The following TAFA1 variants were observed in gnomAD, a reference collection of about 807,000 sequenced individuals.
TAFA1 encodes TAFA chemokine like family member 1.
In TAFA1, 4 loss-of-function variants were observed where a neutral mutation model predicts 18.5. That is an observed-to-expected ratio of 0.22 (90% CI 0.11 to 0.49). The LOEUF (loss-of-function observed/expected upper bound fraction) is 0.49, where lower values mean the gene tolerates loss of function less well. Among genes scored for constraint, TAFA1 ranks in the 20% least tolerant of loss-of-function variants. TAFA1 has a pLI of 0.98. For synonymous variants in TAFA1, 56 were observed against 55.2 expected (o/e 1.01, Z -0.06); for missense variants, 147 against 169.0 (o/e 0.87, Z 0.72).
rs1461545146 is a variant in TAFA1 at position 68,147,289 on chromosome 3, C to T, written c.118+140545C>T. 2.6e-5 allele frequency among the ~76,000 whole-genome samples: 4 copies of T among 151,968 alleles called. No individual in the cohort carries two copies. In the East Asian group the frequency reaches 7.7e-4, roughly 29 times the overall value. On this transcript the variant is annotated intron_variant, in intron 2 of 4. Transcript: ENST00000478136. ...GGGCCAGGTATCAGGCAACTAGGGA[C>T]CACTCTTATAGTTTAGAGCCAGCCA... is the stretch of plus-strand genomic sequence containing the variant.
intron 2 of TAFA1, among the ~76,000 whole-genome samples, chr3:68,324,331 T>C (rs1330890882): frequency 2.6e-5 from 4 of 152,328 alleles, no homozygotes; most frequent in African/African-American, 4.8e-5. Flanking sequence ...TAGATGCTAA[T>C]TTTAAATGTT....
intron 2 of TAFA1, among the ~76,000 whole-genome samples, chr3:68,056,699 A>G (rs1353858899): frequency 6.6e-6 from 1 of 152,186 alleles, no homozygotes; most frequent in Non-Finnish European, 1.5e-5. Context: ...GGAGATTTAC[A>G]TGCCAATTTC....
intron 2 of TAFA1, among the ~76,000 whole-genome samples, chr3:68,214,770 T>A (rs1004325682): frequency 6.6e-6 from 1 of 152,094 alleles, no homozygotes; most frequent in Non-Finnish European, 1.5e-5. Flanking sequence ...TCAAACTACC[T>A]CCTCTTACAT....
At chr3:68,485,603 T>C (rs2072320444) in intron 3 of TAFA1, among the ~76,000 whole-genome samples, 1 of 152,184 alleles carries the variant, frequency 6.6e-6, no homozygotes, top group Non-Finnish European at 1.5e-5. Context: ...TGTAAGCAAA[T>C]TGTAGTTACT....
At chr3:68,269,285 C>T (rs2067614023) in intron 2 of TAFA1, among the ~76,000 whole-genome samples, 1 of 150,836 alleles carries the variant, frequency 6.6e-6, no homozygotes, top group Non-Finnish European at 1.5e-5. Flanking sequence ...GAGACCCTAT[C>T]TTTACAATTT....
intron 2 of TAFA1, among the ~76,000 whole-genome samples, chr3:68,024,867 T>C (rs1344435998): frequency 6.6e-6 from 1 of 150,550 alleles, no homozygotes; most frequent in Non-Finnish European, 1.5e-5. Context: ...ACAATCATAT[T>C]TCGGAAATAA....
intron 2 of TAFA1, among the ~76,000 whole-genome samples, chr3:68,034,212 A>G (rs1704997704): frequency 6.6e-6 from 1 of 152,204 alleles, no homozygotes; most frequent in African/African-American, 2.4e-5. Context: ...GCATGAAAGG[A>G]GACTGAGAGT....
chr3:68,303,994 T>C (rs2068360141), intron 2 of TAFA1, among the ~76,000 whole-genome samples: 1 of 152,186 alleles, frequency 6.6e-6, no homozygotes, highest in Non-Finnish European at 1.5e-5. Flanking sequence ...AAAGTAGACA[T>C]TACATTAGTG....
intron 2 of TAFA1, among the ~76,000 whole-genome samples, chr3:68,392,577 C>G (rs143662345): frequency 6.6e-6 from 1 of 152,108 alleles, no homozygotes; most frequent in Non-Finnish European, 1.5e-5. Context: ...AGCACCGTAT[C>G]GCACTTATTC....
chr3:68,411,759 T>C (rs2070723117), intron 2 of TAFA1, among the ~76,000 whole-genome samples: 1 of 152,220 alleles, frequency 6.6e-6, no homozygotes, highest in South Asian at 2.1e-4. Context: ...AGCAAAGTTA[T>C]GTAAGTGTGA....
intron 2 of TAFA1, among the ~76,000 whole-genome samples, chr3:68,170,957 C>T (rs1311346713): frequency 6.6e-6 from 1 of 151,960 alleles, no homozygotes; most frequent in Non-Finnish European, 1.5e-5. Context: ...CAGCAACAGC[C>T]AAAACAAGAA....
chr3:68,353,372 G>A (rs1486507328), intron 2 of TAFA1, among the ~76,000 whole-genome samples: 1 of 152,080 alleles, frequency 6.6e-6, no homozygotes, highest in Non-Finnish European at 1.5e-5. Context: ...TAGCGTGTAA[G>A]CCATTTATAG....
chr3:68,069,558 C>G (rs2064726053), intron 2 of TAFA1, among the ~76,000 whole-genome samples: 1 of 152,142 alleles, frequency 6.6e-6, no homozygotes. Flanking sequence ...CAAACTTCAT[C>G]CTCACATTTC....
At chr3:68,334,228 C>A (rs943812858) in intron 2 of TAFA1, among the ~76,000 whole-genome samples, 3 of 152,090 alleles carry the variant, frequency 2.0e-5, no homozygotes, top group African/African-American at 7.2e-5. Flanking sequence ...TGCATTTATA[C>A]ATAGAAAAAA....
chr3:68,388,105 A>G (rs1446208091), intron 2 of TAFA1, among the ~76,000 whole-genome samples: 2 of 152,156 alleles, frequency 1.3e-5, no homozygotes, highest in African/African-American at 2.4e-5. Flanking sequence ...AAACCACGTA[A>G]AATTCCTCTT....
chr3:68,539,056 A>C (rs2073322139), intron 4 of TAFA1, among the ~76,000 whole-genome samples, 176 bp downstream of exon 4: 1 of 152,198 alleles, frequency 6.6e-6, no homozygotes, highest in African/African-American at 2.4e-5. Context: ...TAGAGATTGA[A>C]CTTGACTTTC....
chr3:68,101,770 A>G (rs6419758), intron 2 of TAFA1, among the ~76,000 whole-genome samples: 137,813 of 152,080 alleles, frequency 0.91, 62,630 homozygotes, highest in South Asian at 0.95. Flanking sequence ...ATTTTAGAGT[A>G]GAGTCATGTC....
intron 3 of TAFA1, among the ~76,000 whole-genome samples, chr3:68,537,101 A>G (rs932392469): frequency 2.6e-5 from 4 of 152,126 alleles, no homozygotes; most frequent in Non-Finnish European, 1.5e-5. Context: ...TCTGAAGAGT[A>G]TTGAGGCATT....
intron 3 of TAFA1, among the ~76,000 whole-genome samples, chr3:68,439,731 A>T (rs1051006059): frequency 6.6e-6 from 1 of 151,870 alleles, no homozygotes; most frequent in African/African-American, 2.4e-5. Context: ...CCACTGACTC[A>T]AATGTTAATC....
Sources: allele counts gnomAD v4.1 joint callset (sites outside exome capture counted in the v4.1 genomes callset), GRCh38; gene constraint gnomAD v4.1.1; transcripts MANE v1.5; gene names NCBI Gene and HGNC (gene_info 2026-07-23, HGNC 2026-07-21).